Variants in GLOD4 observed in about 807,000 individuals in gnomAD.
GLOD4 encodes glyoxalase domain-containing protein 4.
A neutral mutation model predicts 39.1 loss-of-function variants in GLOD4; 44 were observed. That is an observed-to-expected ratio of 1.13 (90% CI 0.88 to 1.45). The LOEUF (loss-of-function observed/expected upper bound fraction) is 1.45, where lower values mean the gene tolerates loss of function less well. Among genes scored for constraint, GLOD4 ranks in the 40% most tolerant of loss-of-function variants. GLOD4 has a pLI of 0.00. For missense variants in GLOD4, 405 were observed against 366.4 expected (o/e 1.11, Z -0.86); for synonymous variants, 145 against 135.0 (o/e 1.07, Z -0.52).
intron 4 of GLOD4, among the ~76,000 whole-genome samples, chr17:772,985 ACT>A (rs1346603809): frequency 6.6e-6 from 1 of 150,764 alleles, no homozygotes; most frequent in Non-Finnish European, 1.5e-5. Context: ...ACAGAGCGAG[ACT>A]CTGTCTCAAA....
At position 770,497 on chromosome 17, in the gene GLOD4, T is replaced by C; in HGVS notation, c.554A>G (p.Glu185Gly). 6.5e-7 allele frequency: 1 copy of C among 1,543,312 alleles called. No individual in the cohort carries two copies. ...LGYADNQCKLELQGVKGGVDH... is the reference protein window; with the variant it reads ...LGYADNQCKLGLQGVKGGVDH... ...CACCCCACCCTTGACGCCCTGTAGCTCCAGCTTACACTGAAATAGGAAAGG... is the reference window on the plus strand; with the variant it reads ...CACCCCACCCTTGACGCCCTGTAGCCCCAGCTTACACTGAAATAGGAAAGG... The change falls in exon 6 of 9, where the codon GAG becomes GGG. Residue 185 changes from glutamate (E) to glycine (G), a missense_variant. Transcript: ENST00000301329.
upstream of GLOD4, chr17:782,731 C>A: frequency 6.4e-7 from 1 of 1,555,756 alleles, no homozygotes; most frequent in South Asian, 1.2e-5. Context: ...TTCTCGTTTC[C>A]CTTCCCGTCG....
At chr17:765,902 C>T (rs1477994373) in intron 8 of GLOD4, among the ~76,000 whole-genome samples, 2 of 150,644 alleles carry the variant, frequency 1.3e-5, no homozygotes, top group East Asian at 2.0e-4. Flanking sequence ...GTTGCAGTGA[C>T]CTGAGATCGC....
In GLOD4 at chr17:771,429, C is replaced by T. The variant is rs748293591; in HGVS notation, c.439G>A (p.Asp147Asn). ...CAGTAGTTCAAGGACTTTTGAAGAT[C>T]AGACACTGCTAGAGTTACTTTTAAT... ...PVLKVTLAVS[D>N]LQKSLNYWCN... The change falls in exon 5 of 9, where the codon GAT becomes AAT. Residue 147 changes from aspartate (D) to asparagine (N), a missense_variant. Asp to Asn is a conservative substitution (Grantham distance 23). Coordinates refer to ENST00000301329, the MANE Select transcript of GLOD4 (RefSeq NM_016080.4). 1.9e-6 allele frequency: 3 copies of T among 1,579,658 alleles called. No individual in the cohort carries two copies. The highest frequency in any genetic ancestry group is 1.7e-6 in the Non-Finnish European group (2 of 1,151,492).
intron 8 of GLOD4, chr17:764,774 C>G (rs1337212267): frequency 1.3e-5 from 2 of 150,600 alleles, no homozygotes; most frequent in Non-Finnish European, 2.9e-5. Context: ...TTTGGGAGGC[C>G]AAGGTGGGTG....
At chr17:763,573 T>C (rs1905918736) in intron 8 of GLOD4, 1 of 152,146 alleles carries the variant, frequency 6.6e-6, no homozygotes, top group South Asian at 2.1e-4. Flanking sequence ...ACCGATATAG[T>C]AGCATTTATT....
intron 8 of GLOD4, among the ~76,000 whole-genome samples, chr17:768,351 G>A (rs1217874384): frequency 4.8e-5 from 7 of 145,608 alleles, no homozygotes; most frequent in South Asian, 2.2e-4. Flanking sequence ...GAAACAGCGC[G>A]CACTCAGATT....
chr17:781,653 G>C (rs188337092), intron 1 of GLOD4, among the ~76,000 whole-genome samples: 2 of 152,106 alleles, frequency 1.3e-5, no homozygotes, highest in Non-Finnish European at 1.5e-5. Context: ...AGCTCCTCAG[G>C]ACCCGAGACA....
At chr17:775,412 A>C (rs895170498) in intron 4 of GLOD4, among the ~76,000 whole-genome samples, 13 of 152,224 alleles carry the variant, frequency 8.5e-5, no homozygotes, top group African/African-American at 3.1e-4. Flanking sequence ...GAACGTAGAA[A>C]GAGAAAATGT....
intron 8 of GLOD4, among the ~76,000 whole-genome samples, chr17:767,998 A>T (rs1368207679): frequency 7.5e-6 from 1 of 133,902 alleles, no homozygotes; most frequent in African/African-American, 2.8e-5. Context: ...AGAGGACGTG[A>T]GAGAGAGAAA....
upstream of GLOD4, chr17:782,451 G>C (rs774641336): frequency 9.3e-6 from 15 of 1,613,936 alleles, no homozygotes; most frequent in Non-Finnish European, 1.3e-5. Flanking sequence ...TTGGGACCTT[G>C]ACGCGAGGCG....
chr17:762,560 G>T (rs372562303), intron 8 of GLOD4, among the ~76,000 whole-genome samples: 89 of 121,104 alleles, frequency 7.3e-4, no homozygotes, highest in African/African-American at 1.5e-3. Context: ...GGCCCCGGCC[G>T]GCACCTACTC....
At chr17:762,733 G>C (rs1033976530) in intron 8 of GLOD4, among the ~76,000 whole-genome samples, 4 of 152,034 alleles carry the variant, frequency 2.6e-5, no homozygotes, top group African/African-American at 9.7e-5. Context: ...CAGGGATGAA[G>C]GGGAATAATT....
At chr17:766,173 C>T (rs546894491) in intron 8 of GLOD4, among the ~76,000 whole-genome samples, 3 of 152,174 alleles carry the variant, frequency 2.0e-5, no homozygotes, top group African/African-American at 7.2e-5. Flanking sequence ...TGGCGCACGC[C>T]TATGGTTCCA....
chr17:783,406 G>A (rs1466383470), upstream of GLOD4: 3 of 1,390,350 alleles, frequency 2.2e-6, no homozygotes, highest in East Asian at 5.0e-5. Flanking sequence ...GCGCGATCTC[G>A]GCCCACTGCA....
intron 4 of GLOD4, among the ~76,000 whole-genome samples, chr17:775,321 A>G (rs758074539): frequency 1.3e-5 from 2 of 151,922 alleles, no homozygotes; most frequent in Non-Finnish European, 2.9e-5. Context: ...TTGTGGGAGC[A>G]TGTGGCCCCA....
chr17:772,013 CAAAAAAAAAAA>C (rs67745456), intron 4 of GLOD4, among the ~76,000 whole-genome samples: 7 of 50,992 alleles, frequency 1.4e-4, no homozygotes, highest in African/African-American at 5.1e-4. Flanking sequence ...AACTCTGTCT[CAAAAAAAAAAA>C]AAAAAAAAAA....
intron 3 of GLOD4, among the ~76,000 whole-genome samples, chr17:776,405 G>A (rs1211605969): frequency 6.6e-6 from 1 of 152,166 alleles, no homozygotes. Context: ...TCTGCCTCCA[G>A]TCTTGTAAAT....
chr17:779,787 C>T (rs1909573539), intron 1 of GLOD4, among the ~76,000 whole-genome samples: 1 of 152,204 alleles, frequency 6.6e-6, no homozygotes. Flanking sequence ...AGCGGGCTCT[C>T]AACGTGTTAG....
Sources: gnomAD v4.1 joint callset for allele counts (sites outside exome capture counted in the v4.1 genomes callset) on GRCh38, gnomAD v4.1.1 for gene constraint, MANE v1.5 for transcripts, NCBI Gene and HGNC (gene_info 2026-07-23, HGNC 2026-07-21) for gene names.